Variants in MYCBPAP observed in about 807,000 individuals in gnomAD.
MYCBPAP encodes the protein MYCBP associated protein, also known as MYCBP-associated protein.
Under a neutral mutation model 106.1 loss-of-function variants are expected in MYCBPAP, and 60 were observed. That is an observed-to-expected ratio of 0.57 (90% CI 0.46 to 0.70). The LOEUF (loss-of-function observed/expected upper bound fraction) is 0.70. MYCBPAP is among the 30% of genes least tolerant of loss of function. MYCBPAP has a pLI of 0.00. For synonymous variants in MYCBPAP, 407 were observed against 440.6 expected (o/e 0.92, Z 0.95); for missense variants, 1,064 against 1,169.3 (o/e 0.91, Z 1.31).
In MYCBPAP at chr17:50,518,534, T is replaced by C. The variant is rs758834519; in HGVS notation, c.469-7T>C. The stretch of plus-strand genomic sequence containing the variant: ...TGCCCTCCACATACCTATGTTGTAC[T>C]TTTCAGCTGGCTGAGCGGATACCTA... On this transcript the variant is annotated splice_polypyrimidine_tract_variant and splice_region_variant and intron_variant, in intron 4 of 18. Transcript: ENST00000323776. The C allele has an allele frequency of 9.6e-6, 15 of 1,560,768 alleles. No individual in the cohort carries two copies. The South Asian group carries it at 1.9e-4, about 19-fold the overall frequency.
rs765525445 is a variant in MYCBPAP at position 50,508,646 on chromosome 17, G to C, written c.-29G>C. The stretch of plus-strand genomic sequence containing the variant: ...CGGTGTCTCTGGGCCGGCGGTGCAG[G>C]GCAACGTTTCATGGTGCCGGGCGGC... On this transcript the variant is annotated 5_prime_UTR_variant, in exon 1 of 19. Transcript: ENST00000323776. 1.3e-6 allele frequency: 2 copies of C among 1,590,610 alleles called. No homozygotes were observed. The highest frequency in any genetic ancestry group is 1.7e-6 in the Non-Finnish European group (2 of 1,166,118).
At position 50,527,397 on chromosome 17, in the gene MYCBPAP, G is replaced by T; in HGVS notation, c.2280G>T (p.Leu760=). The change falls in exon 15 of 19, where the codon CTG becomes CTT. Residue 760 remains leucine (L), a synonymous_variant. Transcript: ENST00000323776. The stretch of plus-strand genomic sequence containing the variant: ...CAAGGCCATTGCAGTCCAACCTCCT[G>T]CACCAGATGTGGTAGGTGCCCTGCC... ...QKPRPLQSNL[L]HQMCLQLWRD... 1 of 1,613,978 alleles carries T rather than the reference G, an allele frequency of 6.2e-7. No individual in the cohort carries two copies. Among genetic ancestry groups the T allele is most frequent in the Middle Eastern group, 1.6e-4 (1 of 6,062 alleles).
Position 50,508,540 on chromosome 17 carries a change from C to A in MYCBPAP, c.-135C>A, listed in dbSNP as rs746376121. Reference sequence around the variant, plus strand: ...CCAAGCCGTCTCCGCCCAAGTTGATCGGTGGATGCGCGCCCCCGCGCGGGG... The same window carrying A: ...CCAAGCCGTCTCCGCCCAAGTTGATAGGTGGATGCGCGCCCCCGCGCGGGG... On this transcript the variant is annotated 5_prime_UTR_variant, in exon 1 of 19. Transcript: ENST00000323776. 6.5e-7 allele frequency: 1 copy of A among 1,539,000 alleles called. No homozygotes were observed. The highest frequency in any genetic ancestry group is 8.7e-7 in the Non-Finnish European group (1 of 1,143,922).
chr17:50,519,824 G>A, intron 7 of MYCBPAP, 37 bp downstream of exon 7: 1 of 1,598,590 alleles, frequency 6.3e-7, no homozygotes, highest in Non-Finnish European at 8.5e-7. Flanking sequence ...AGCATCTTGT[G>A]CCTGGCCCGG....
chr17:50,518,904 G>A (rs1443252040), intron 5 of MYCBPAP, 70 bp from the exon 6 acceptor site: 19 of 1,494,496 alleles, frequency 1.3e-5, no homozygotes, highest in South Asian at 5.7e-5. Flanking sequence ...GAGGCTGCCC[G>A]ATGCAGACTG....
intron 1 of MYCBPAP, chr17:50,510,495 G>GTATATATATATATA (rs1320539341): frequency 2.1e-5 from 2 of 93,068 alleles, no homozygotes; most frequent in Non-Finnish European, 4.2e-5. Flanking sequence ...GTGTGTGTGT[G>GTATATATATATATA]TGTGTATATA....
chr17:50,522,709 A>AAAAATATATATATATATATATATATAT, intron 10 of MYCBPAP: 6 of 50,026 alleles, frequency 1.2e-4, no homozygotes, highest in South Asian at 7.9e-4. Context: ...AAAAAAAAAA[A>AAAAATATATATATATATATATATATAT]ATATATATAT....
chr17:50,527,123 G>T, intron 14 of MYCBPAP, 164 bp from the exon 15 acceptor site: 2 of 908,706 alleles, frequency 2.2e-6, no homozygotes, highest in Non-Finnish European at 3.4e-6. Flanking sequence ...ACAGATTTCT[G>T]AGGGGGGTCC....
At chr17:50,513,231 A>AT (rs2033921649) in intron 1 of MYCBPAP, among the ~76,000 whole-genome samples, 1 of 149,864 alleles carries the variant, frequency 6.7e-6, no homozygotes, top group Non-Finnish European at 1.5e-5. Context: ...AAAAAAAAAA[A>AT]AAAAAAAAAG....
At chr17:50,528,584 C>A in intron 16 of MYCBPAP, 111 bp from the exon 17 acceptor site, 1 of 1,419,618 alleles carries the variant, frequency 7.0e-7, no homozygotes, top group Non-Finnish European at 9.5e-7. Flanking sequence ...TACCAGGGCT[C>A]AAGGCTATTG....
chr17:50,519,153 G>A, intron 6 of MYCBPAP, 64 bp downstream of exon 6: 1 of 1,166,088 alleles, frequency 8.6e-7, no homozygotes, highest in Non-Finnish European at 1.2e-6. Context: ...GCGGGGGCAG[G>A]TGTCTGGACA....
At chr17:50,511,060 G>GAAAA (rs5820815) in intron 1 of MYCBPAP, among the ~76,000 whole-genome samples, 1 of 151,406 alleles carries the variant, frequency 6.6e-6, no homozygotes, top group Non-Finnish European at 1.5e-5. Context: ...AGTGAGGAGG[G>GAAAA]AAAAAAAATG....
chr17:50,525,030 C>A lies in MYCBPAP; in HGVS notation c.1782+7C>A, dbSNP rs1289546329. The A allele has an allele frequency of 6.2e-7, 1 of 1,609,962 alleles. No individual in the cohort carries two copies. Among genetic ancestry groups the A allele is most frequent in the Non-Finnish European group, 8.5e-7 (1 of 1,177,438 alleles). On this transcript the variant is annotated splice_region_variant and intron_variant, in intron 13 of 18. Transcript: ENST00000323776. ...CCGGCACAGAAATCCTCCGGTGAGG[C>A]CCAGCGCCAGCCCCTGCCCCCTCAT...
At chr17:50,509,275 C>G in intron 1 of MYCBPAP, 1 of 648,132 alleles carries the variant, frequency 1.5e-6, no homozygotes, top group Non-Finnish European at 2.8e-6. Context: ...GGCTAGTTCT[C>G]TTTTTGACTG....
intron 12 of MYCBPAP, among the ~76,000 whole-genome samples, chr17:50,524,230 C>T (rs545772223): frequency 4.6e-5 from 7 of 152,296 alleles, no homozygotes; most frequent in Admixed American, 3.3e-4. Flanking sequence ...GCTGACAACT[C>T]GAGTGAGTGT....
intron 11 of MYCBPAP, 134 bp from the exon 12 acceptor site, chr17:50,523,463 C>G (rs142784905): frequency 5.5e-5 from 50 of 902,986 alleles, no homozygotes; most frequent in Non-Finnish European, 7.9e-5. Flanking sequence ...CAGGAAACCT[C>G]TCAGCCCTGG....
intron 14 of MYCBPAP, 38 bp from the exon 15 acceptor site, chr17:50,527,247 TTG>T: frequency 6.2e-7 from 1 of 1,612,202 alleles, no homozygotes; most frequent in Non-Finnish European, 8.5e-7. Context: ...GGACACAGCC[TTG>T]GTGTCCTGGT....
intron 18 of MYCBPAP, 103 bp from the exon 19 acceptor site, chr17:50,531,224 A>T: frequency 1.5e-6 from 1 of 689,122 alleles, no homozygotes; most frequent in Non-Finnish European, 2.3e-6. Flanking sequence ...TTCACAAACA[A>T]CTGGTTTCTT....
chr17:50,521,190 C>A lies in MYCBPAP; in HGVS notation c.997C>A (p.Gln333Lys), dbSNP rs749086410. The change falls in exon 8 of 19, where the codon CAG becomes AAG. Residue 333 changes from glutamine (Q) to lysine (K), a missense_variant. Coordinates refer to ENST00000323776, the MANE Select transcript of MYCBPAP (RefSeq NM_032133.6). ...TCTGATCTACCGACGCAAGGAGCTG[C>A]AGAGAATCATGGAAGAGCTGGATTT... ...LFLIYRRKEL[Q>K]RIMEELDFSQ... is the part of the protein sequence containing the mutation. The A allele has an allele frequency of 6.2e-7, 1 of 1,613,566 alleles. No homozygotes were observed. The highest frequency in any genetic ancestry group is 2.2e-5 in the East Asian group (1 of 44,872).
Sources: gnomAD v4.1 joint callset for allele counts (sites outside exome capture counted in the v4.1 genomes callset) on GRCh38, gnomAD v4.1.1 for gene constraint, MANE v1.5 for transcripts, NCBI Gene and HGNC (gene_info 2026-07-23, HGNC 2026-07-21) for gene names.